Variants in TMEM117 observed in about 807,000 individuals in gnomAD.
TMEM117 encodes the protein transmembrane protein 117.
TMEM117 carries 27 observed loss-of-function variants against 52.4 expected under a neutral mutation model. The ratio of observed to expected loss-of-function variants is 0.51; its 90% CI spans 0.38 to 0.71. TMEM117 has a LOEUF of 0.71. Among genes scored for constraint, TMEM117 ranks in the 30% least tolerant of loss-of-function variants. TMEM117 has a pLI of 0.00. For missense variants in TMEM117, 556 were observed against 630.5 expected, an observed-to-expected ratio of 0.88 and a Z score of 1.26; for synonymous variants, 215 against 206.3, an observed-to-expected ratio of 1.04 and a Z score of -0.36.
intron 4 of TMEM117, among the ~76,000 whole-genome samples, chr12:44,177,512 A>T (rs190270678): frequency 1.3e-5 from 2 of 152,290 alleles, no homozygotes; most frequent in African/African-American, 4.8e-5. Flanking sequence ...CTGCAGGTAG[A>T]GTGAAGTGGA....
Position 44,221,387 on chromosome 12 carries a change from A to C in TMEM117, c.608+10000A>C, listed in dbSNP as rs531794182. 5.9e-5 allele frequency among the ~76,000 whole-genome samples: 9 copies of C among 152,040 alleles called. No individual in the cohort carries two copies. The South Asian group carries it at 1.5e-3, about 25-fold the overall frequency. On this transcript the variant is annotated intron_variant, in intron 5 of 7. Coordinates refer to ENST00000266534, the MANE Select transcript of TMEM117 (RefSeq NM_032256.3). The stretch of plus-strand genomic sequence containing the variant: ...CATAAACCTCAAGGCTGTAGCAACC[A>C]CTCTCTTATAGCCAGTGTGTGTGCC...
intron 3 of TMEM117, among the ~76,000 whole-genome samples, chr12:43,998,625 A>G (rs982519268): frequency 3.9e-5 from 6 of 152,222 alleles, no homozygotes; most frequent in African/African-American, 1.4e-4. Context: ...CTGGAAAATT[A>G]AAACATAGGA....
Position 43,963,316 on chromosome 12 carries a change from T to A in TMEM117, c.410+18974T>A, listed in dbSNP as rs534338695. 1.1e-3 allele frequency among the ~76,000 whole-genome samples: 167 copies of A among 152,286 alleles called. 1 individual carries two copies. Among genetic ancestry groups the A allele is most frequent in the African/African-American group, 3.8e-3 (159 of 41,560 alleles). Reference sequence around the variant, plus strand: ...ATTTTACTTTTATTAGAGAATTTGATGTACAAACTTACAGCTGAGTATCCA... The same window carrying A: ...ATTTTACTTTTATTAGAGAATTTGAAGTACAAACTTACAGCTGAGTATCCA... On this transcript the variant is annotated intron_variant, in intron 3 of 7. Coordinates refer to ENST00000266534, the MANE Select transcript of TMEM117 (RefSeq NM_032256.3).
chr12:44,277,058 G>A (rs73086760), intron 5 of TMEM117, among the ~76,000 whole-genome samples: 10 of 151,974 alleles, frequency 6.6e-5, no homozygotes, highest in South Asian at 2.1e-4. Context: ...ATTCTTTCTC[G>A]TGAAATTTTG....
At chr12:44,038,956 A>G (rs867223501) in intron 3 of TMEM117, among the ~76,000 whole-genome samples, 2 of 152,194 alleles carry the variant, frequency 1.3e-5, no homozygotes, top group African/African-American at 2.4e-5. Flanking sequence ...ATTTCATCAA[A>G]CAGGTACTCA....
chr12:44,366,285 T>C (rs779205391), intron 6 of TMEM117, among the ~76,000 whole-genome samples: 2 of 152,054 alleles, frequency 1.3e-5, no homozygotes, highest in Non-Finnish European at 2.9e-5. Flanking sequence ...CTAACAAACA[T>C]GTAAGGTTCT....
chr12:44,060,093 T>G (rs1338337172), intron 3 of TMEM117, among the ~76,000 whole-genome samples: 1 of 152,216 alleles, frequency 6.6e-6, no homozygotes, highest in Non-Finnish European at 1.5e-5. Flanking sequence ...TGGAAGAATT[T>G]AACATGCAAC....
chr12:44,098,524 G>A (rs1221948700), intron 3 of TMEM117, among the ~76,000 whole-genome samples: 1 of 151,976 alleles, frequency 6.6e-6, no homozygotes, highest in Non-Finnish European at 1.5e-5. Context: ...CAAATATGAG[G>A]GCTTTGGTCC....
chr12:44,356,458 C>T (rs1243978737), intron 6 of TMEM117, among the ~76,000 whole-genome samples: 2 of 151,990 alleles, frequency 1.3e-5, no homozygotes, highest in African/African-American at 2.4e-5. Flanking sequence ...CAACTGAGTT[C>T]CTTTGAACTA....
intron 3 of TMEM117, among the ~76,000 whole-genome samples, chr12:43,977,437 A>G (rs1334425288): frequency 2.6e-5 from 4 of 152,170 alleles, no homozygotes; most frequent in African/African-American, 9.7e-5. Flanking sequence ...GAACACAAGC[A>G]TATTCTCTTC....
At chr12:43,831,186 G>A (rs1942978919), upstream of TMEM117, among the ~76,000 whole-genome samples, 1 of 152,148 alleles carries the variant, frequency 6.6e-6, no homozygotes, top group Admixed American at 6.6e-5. Flanking sequence ...TGCCTCTTTG[G>A]CAATAAGGAA....
At chr12:44,221,510 G>A (rs1390773113) in intron 5 of TMEM117, among the ~76,000 whole-genome samples, 1 of 152,148 alleles carries the variant, frequency 6.6e-6, no homozygotes, top group Non-Finnish European at 1.5e-5. Flanking sequence ...TTTGTGATCT[G>A]TAGTTGATCA....
Position 44,211,492 on chromosome 12 carries a change from ATTTTTGGTAGCTAC to A in TMEM117, c.608+107_608+120del, listed in dbSNP as rs1002598557. ...ATTATAGAATTCTATCTAGAGGGAC[ATTTTTGGTAGCTAC>A]TATGCTCCATTAAAACCATTATCCT... On this transcript the variant is annotated intron_variant, in intron 5 of 7. Transcript: ENST00000266534. 21 of 719,038 alleles carry A rather than the reference ATTTTTGGTAGCTAC, an allele frequency of 2.9e-5. No homozygotes were observed. The African/African-American group carries it at 3.6e-4, about 12-fold the overall frequency. 44.5% of individuals were successfully genotyped at this position (719,038 alleles called of 1,614,324 possible). A position where few individuals can be genotyped will look rare whatever the true frequency, so the allele number is the denominator to read the frequency against.
chr12:44,051,204 T>C (rs1289461881), intron 3 of TMEM117, among the ~76,000 whole-genome samples: 1 of 152,176 alleles, frequency 6.6e-6, no homozygotes, highest in Non-Finnish European at 1.5e-5. Context: ...GAGAGGACCT[T>C]GTGGCCTCAA....
At chr12:44,290,540 G>T (rs185256709) in intron 5 of TMEM117, among the ~76,000 whole-genome samples, 100 of 152,198 alleles carry the variant, frequency 6.6e-4, no homozygotes, top group African/African-American at 2.3e-3. Context: ...TGTTCTATTG[G>T]TCTATGTATC....
At chr12:43,932,803 G>T (rs1248906212) in intron 2 of TMEM117, among the ~76,000 whole-genome samples, 1 of 152,156 alleles carries the variant, frequency 6.6e-6, no homozygotes, top group African/African-American at 2.4e-5. Flanking sequence ...AATGGAATGG[G>T]TAGAGACAAT....
chr12:43,869,174 A>G (rs1213890971), intron 2 of TMEM117, among the ~76,000 whole-genome samples: 1 of 152,230 alleles, frequency 6.6e-6, no homozygotes, highest in Non-Finnish European at 1.5e-5. Flanking sequence ...CTATATATTT[A>G]TATAAGAAAT....
chr12:44,242,513 G>A lies in TMEM117; in HGVS notation c.608+31126G>A, dbSNP rs182411016. Among the ~76,000 whole-genome samples, 356 of 151,570 alleles carry A rather than the reference G, an allele frequency of 2.3e-3. 12 individuals carry two copies. The East Asian group carries it at 0.035, about 15-fold the overall frequency. On this transcript the variant is annotated intron_variant, in intron 5 of 7. Coordinates refer to ENST00000266534, the MANE Select transcript of TMEM117 (RefSeq NM_032256.3). ...ACATAGTATTCCATGGCGTATATGT[G>A]CCACATTTTCTTTATTCAATCTGTC...
chr12:43,963,236 C>T (rs570272726), intron 3 of TMEM117, among the ~76,000 whole-genome samples: 54 of 151,218 alleles, frequency 3.6e-4, no homozygotes, highest in South Asian at 2.9e-3. Context: ...ATATATATAT[C>T]TCTATGTGTA....
Sources: allele counts gnomAD v4.1 joint callset (sites outside exome capture counted in the v4.1 genomes callset), GRCh38; gene constraint gnomAD v4.1.1; transcripts MANE v1.5; gene names NCBI Gene and HGNC (gene_info 2026-07-23, HGNC 2026-07-21).